Variants in PWWP2A observed in about 807,000 individuals in gnomAD.
PWWP2A encodes the protein PWWP domain-containing protein 2A.
PWWP2A carries 18 observed loss-of-function variants against 48.5 expected under a neutral mutation model. The ratio of observed to expected loss-of-function variants is 0.37; its 90% CI spans 0.26 to 0.55. The LOEUF (loss-of-function observed/expected upper bound fraction) is 0.55. Ranked by LOEUF, PWWP2A falls within the 20% of genes least tolerant of loss-of-function variation. The pLI, the probability that PWWP2A is intolerant of heterozygous loss-of-function variation, is 0.81. For missense variants in PWWP2A, 867 were observed against 976.4 expected (o/e 0.89, Z 1.49); for synonymous variants, 396 against 387.7 (o/e 1.02, Z -0.25).
At position 160,114,594 on chromosome 5, in the gene PWWP2A, T is replaced by C. The variant is rs1757913667; in HGVS notation, c.584+4211A>G. Among the ~76,000 whole-genome samples, 4 of 151,294 alleles carry C rather than the reference T, an allele frequency of 2.6e-5. 1 individual carries two copies. The South Asian group carries it at 6.2e-4, about 24-fold the overall frequency. ...GCCTGGCCAACACAGTAAAACCCCG[T>C]CTCCACAAAAATACAAAAATTTGCC... is the stretch of plus-strand genomic sequence containing the variant. On this transcript the variant is annotated intron_variant, in intron 1 of 1. Transcript: ENST00000307063.
intron 1 of PWWP2A, among the ~76,000 whole-genome samples, chr5:160,114,567 C>T (rs1757910404): frequency 6.6e-6 from 1 of 151,986 alleles, no homozygotes; most frequent in Admixed American, 6.6e-5. Flanking sequence ...ATTCAAAGAC[C>T]AGCCTGGCCA....
At position 160,093,132 on chromosome 5, in the gene PWWP2A, G is replaced by A. The variant is rs1755252990; in HGVS notation, c.1518C>T (p.Pro506=). 6.2e-7 allele frequency: 1 copy of A among 1,613,896 alleles called. No individual in the cohort carries two copies. Among genetic ancestry groups the A allele is most frequent in the Non-Finnish European group, 8.5e-7 (1 of 1,179,886 alleles). The part of the protein sequence containing the change: ...KMRSGKMAPK[P]QSRCTSTRSA... ...AGCGGGTAGAGGTGCAGCGAGACTG[G>A]GGCTTGGGTGCCATCTTGCCACTCC... The change falls in exon 2 of 2, where the codon CCC becomes CCT. Residue 506 remains proline (P), a synonymous_variant. Coordinates refer to ENST00000307063, the MANE Select transcript of PWWP2A (RefSeq NM_001130864.2). The surrounding 1 kb of genome is among the most constrained non-coding windows in gnomAD (Gnocchi z 5.8).
At chr5:160,049,761 C>G in the PWWP2A span, 3 of 1,127,068 alleles carry the variant, frequency 2.7e-6, no homozygotes, top group Non-Finnish European at 2.4e-6. Flanking sequence ...AATTCCATTT[C>G]TGTGCTTTTG....
rs756154184 is a variant in PWWP2A at position 160,094,066 on chromosome 5, CT to C, written c.585-2del. On this transcript the variant is annotated splice_acceptor_variant, in intron 1 of 1. Transcript: ENST00000307063. LOFTEE classifies it high-confidence loss of function. ...CACAGGGATACCATGGGGCCCAAAC[CT>C]TTGAAAGAAATGGAAGAAAAAAAGA... 6.3e-7 allele frequency: 1 copy of C among 1,578,134 alleles called. No individual in the cohort carries two copies. The highest frequency in any genetic ancestry group is 8.6e-7 in the Non-Finnish European group (1 of 1,160,770).
In PWWP2A at chr5:160,092,282, T is replaced by C. The variant is rs1755162626; in HGVS notation, c.*100A>G. 22 of 1,436,454 alleles carry C rather than the reference T, an allele frequency of 1.5e-5. No individual in the cohort carries two copies. The highest frequency in any genetic ancestry group is 1.9e-5 in the Non-Finnish European group (21 of 1,094,244). 89.0% of individuals were successfully genotyped at this position (1,436,454 alleles called of 1,614,324 possible). ...AAGCCAGCCAACTGAGTGCAACTTC[T>C]CTCTCCAATCTGGCCACGCTATTTT... On this transcript the variant is annotated 3_prime_UTR_variant, in exon 2 of 2. Transcript: ENST00000307063.
rs184758364 is a variant in PWWP2A, at chr5:160,106,480, C to G, written c.584+12325G>C. 6.0e-3 allele frequency among the ~76,000 whole-genome samples: 910 copies of G among 151,828 alleles called. 9 individuals are homozygous for G. Among genetic ancestry groups the G allele is most frequent in the Non-Finnish European group, 6.9e-3 (470 of 67,966 alleles). Reference sequence around the variant, plus strand: ...AACACAGAAAGTAAAACTTGGCAACCTTCTTAGATTAAATATGCAGGAAAA... The same window carrying G: ...AACACAGAAAGTAAAACTTGGCAACGTTCTTAGATTAAATATGCAGGAAAA... On this transcript the variant is annotated intron_variant, in intron 1 of 1. Transcript: ENST00000307063.
At chr5:160,090,434 A>G, downstream of PWWP2A, 1 of 982,340 alleles carries the variant, frequency 1.0e-6, no homozygotes, top group East Asian at 1.1e-4. Flanking sequence ...AAAATCTTTT[A>G]GGATAGTTCC....
chr5:160,106,093 C>G (rs1756868008), intron 1 of PWWP2A, among the ~76,000 whole-genome samples: 2 of 152,158 alleles, frequency 1.3e-5, no homozygotes, highest in Non-Finnish European at 2.9e-5. Flanking sequence ...ATAGCTGTTG[C>G]CTGGTTGAGT....
In PWWP2A at chr5:160,119,351, G is replaced by A; in HGVS notation, c.38C>T (p.Ala13Val). 7.2e-7 allele frequency: 1 copy of A among 1,385,522 alleles called. No individual in the cohort carries two copies. The highest frequency in any genetic ancestry group is 9.3e-7 in the Non-Finnish European group (1 of 1,076,206). The allele number at this position is 1,385,522 out of a possible 1,614,324, so 85.8% of individuals were successfully genotyped here. The change falls in exon 1 of 2, where the codon GCG (alanine) becomes GTG (valine). Residue 13 changes from alanine to valine, a missense_variant. Coordinates refer to ENST00000307063, the MANE Select transcript of PWWP2A (RefSeq NM_001130864.2). Reference protein sequence around the residue: ...AVAAEAAATAASPGEGGAGEA... With the variant: ...AVAAEAAATAVSPGEGGAGEA... ...GCCGGCGCCCCCCTCCCCGGGGGAC[G>A]CTGCAGTCGCTGCCGCCTCTGCAGC...
intron 4 of PWWP2A, chr5:160,066,423 A>C (rs1400574223): frequency 1.3e-5 from 2 of 149,602 alleles, no homozygotes; most frequent in East Asian, 3.9e-4. Context: ...CAGCCTCCAG[A>C]GTAGCTGGGA....
chr5:160,078,317 T>C lies in PWWP2A; in HGVS notation c.1670-149A>G, dbSNP rs2113458887. ...AATCGGTTAAACCTGACCGATGTTG[T>C]TTTGAGAAAACAACTTACTGCCACT... On this transcript the variant is annotated intron_variant, in intron 3 of 3. Coordinates refer to the PWWP2A transcript ENST00000456329. This position sits in a 1 kb window ranked among gnomAD's most constrained non-coding sequence, Gnocchi z 4.2. 4 of 625,358 alleles carry C rather than the reference T, an allele frequency of 6.4e-6. No homozygotes were observed. Among genetic ancestry groups the C allele is most frequent in the South Asian group, 6.1e-5 (3 of 49,308 alleles). 38.7% of individuals were successfully genotyped at this position (625,358 alleles called of 1,614,324 possible).
Position 160,091,961 on chromosome 5 carries a change from TATATATATATGTGTATATATAC to T in PWWP2A, c.*399_*420del. The T allele has an allele frequency of 1.1e-6, 1 of 916,514 alleles. No individual in the cohort carries two copies. The highest frequency in any genetic ancestry group is 1.3e-6 in the Non-Finnish European group (1 of 769,090). The allele number at this position is 916,514 out of a possible 1,614,324, so 56.8% of individuals were successfully genotyped here. Reference sequence around the variant, plus strand: ...TCACACAGTGACAGGCTGTATTTCATATATATATATGTGTATATATACATATATATGTGTGTATATATACATA... The same window carrying T: ...TCACACAGTGACAGGCTGTATTTCATATATATATGTGTGTATATATACATA... On this transcript the variant is annotated 3_prime_UTR_variant, in exon 2 of 2. Coordinates refer to ENST00000307063, the MANE Select transcript of PWWP2A (RefSeq NM_001130864.2).
the PWWP2A span, chr5:160,051,229 T>C: frequency 6.6e-7 from 1 of 1,513,934 alleles, no homozygotes. Flanking sequence ...GCTAGGAACC[T>C]AGGGTGGGGA....
At chr5:160,064,082 C>A (rs532601842) in intron 4 of PWWP2A, among the ~76,000 whole-genome samples, 1 of 150,842 alleles carries the variant, frequency 6.6e-6, no homozygotes, top group African/African-American at 2.4e-5. Context: ...GATTGTCCTG[C>A]CTCAGCCTCC....
Position 160,119,180 on chromosome 5 carries a change from G to T in PWWP2A, c.209C>A (p.Pro70Gln), listed in dbSNP as rs769295767. 5 of 1,482,534 alleles carry T rather than the reference G, an allele frequency of 3.4e-6. No individual in the cohort carries two copies. The highest frequency in any genetic ancestry group is 3.5e-6 in the Non-Finnish European group (4 of 1,131,140). 91.8% of individuals were successfully genotyped at this position (1,482,534 alleles called of 1,614,324 possible). A position where few individuals can be genotyped will look rare whatever the true frequency, so the allele number is the denominator to read the frequency against. ...APQADEPPLPPPPPPPGELAR... is the reference protein window; with the variant it reads ...APQADEPPLPQPPPPPGELAR... The stretch of plus-strand genomic sequence containing the variant: ...GAGCTCCCCCGGCGGCGGCGGTGGC[G>T]GCGGGAGCGGCGGCTCGTCGGCCTG... The change falls in exon 1 of 2, where the codon CCG (proline) becomes CAG (glutamine). Residue 70 changes from proline to glutamine, a missense_variant. Pro to Gln is a moderately conservative substitution (Grantham distance 76). Coordinates refer to ENST00000307063, the MANE Select transcript of PWWP2A (RefSeq NM_001130864.2).
At chr5:160,063,457 C>G (rs934813703) in intron 5 of PWWP2A, 3 of 152,704 alleles carry the variant, frequency 2.0e-5, no homozygotes, top group Non-Finnish European at 2.9e-5. Flanking sequence ...TCACATGATC[C>G]TCCTGCCTCA....
At chr5:160,069,181 G>A (rs1290949257) in intron 2 of PWWP2A, among the ~76,000 whole-genome samples, 2 of 151,788 alleles carry the variant, frequency 1.3e-5, no homozygotes, top group Non-Finnish European at 2.9e-5. Flanking sequence ...GCTACTTGAG[G>A]GGCTGAGGCA....
In PWWP2A at chr5:160,078,742, GA is replaced by G. The variant is rs1431393964; in HGVS notation, c.1670-575del. ...CCCCAGAAGTAGACACAGCACATCGGAAGGCATGAAGAGCACCATTTTGATA... is the reference window on the plus strand; with the variant it reads ...CCCCAGAAGTAGACACAGCACATCGGAGGCATGAAGAGCACCATTTTGATA... On this transcript the variant is annotated intron_variant, in intron 3 of 3. Transcript: ENST00000456329. This position sits in a 1 kb window ranked among gnomAD's most constrained non-coding sequence, Gnocchi z 4.2. Among the ~76,000 whole-genome samples the G allele has an allele frequency of 6.6e-6, 1 of 152,168 alleles. No homozygotes were observed. Among genetic ancestry groups the G allele is most frequent in the African/African-American group, 2.4e-5 (1 of 41,438 alleles).
At chr5:160,089,951 TAA>T (rs1754935911), downstream of PWWP2A, 2 of 984,882 alleles carry the variant, frequency 2.0e-6, no homozygotes, top group Non-Finnish European at 2.4e-6. Flanking sequence ...TCCATTGGAA[TAA>T]AAGTTTTTAA....
Sources: gnomAD v4.1 joint callset for allele counts (sites outside exome capture counted in the v4.1 genomes callset) on GRCh38, gnomAD v4.1.1 for gene constraint, Gnocchi (gnomAD v3.1) non-coding constraint, MANE v1.5 for transcripts, NCBI Gene and HGNC (gene_info 2026-07-23, HGNC 2026-07-21) for gene names.